Variants in SULF2 observed in about 807,000 individuals in gnomAD.
The protein encoded by SULF2 is sulfatase 2, also known as extracellular sulfatase Sulf-2.
Under a neutral mutation model 107.7 loss-of-function variants are expected in SULF2, and 52 were observed. The observed-to-expected ratio is 0.48, with a 90% CI of 0.39 to 0.61. The LOEUF is 0.61. SULF2 is among the 20% of genes least tolerant of loss of function. The pLI, the probability that SULF2 is intolerant of heterozygous loss-of-function variation, is 0.00. For missense variants in SULF2, 993 were observed against 1,177.3 expected (o/e 0.84, Z 2.29); for synonymous variants, 460 against 464.3 (o/e 0.99, Z 0.12).
chr20:47,752,911 G>A (rs929434981), intron 2 of SULF2, among the ~76,000 whole-genome samples: 2 of 151,988 alleles, frequency 1.3e-5, no homozygotes, highest in African/African-American at 2.4e-5. Flanking sequence ...GGCCAACCTG[G>A]CCAACATGGC....
At chr20:47,730,256 G>T (rs1484094294) in intron 3 of SULF2, among the ~76,000 whole-genome samples, 2 of 152,222 alleles carry the variant, frequency 1.3e-5, no homozygotes, top group Non-Finnish European at 2.9e-5. Context: ...ACGCATTTTA[G>T]AACATGATGC....
intron 14 of SULF2, 63 bp from the exon 15 acceptor site, chr20:47,664,252 C>G (rs1178122297): frequency 6.6e-7 from 1 of 1,524,150 alleles, no homozygotes; most frequent in African/African-American, 1.4e-5. Context: ...CTGGCAGGTG[C>G]AAGCTGTGAT....
chr20:47,742,377 A>G (rs1020296694), intron 2 of SULF2, among the ~76,000 whole-genome samples: 1 of 152,234 alleles, frequency 6.6e-6, no homozygotes, highest in African/African-American at 2.4e-5. Flanking sequence ...ACCTGGGGAC[A>G]TGCAGACAAA....
chr20:47,672,091 C>T, intron 11 of SULF2, 107 bp downstream of exon 11: 2 of 1,251,444 alleles, frequency 1.6e-6, no homozygotes, highest in Non-Finnish European at 2.2e-6. Flanking sequence ...CCTAGATCAC[C>T]ACCTGGCAAA....
At chr20:47,682,176 C>A (rs1358314797) in intron 7 of SULF2, among the ~76,000 whole-genome samples, 1 of 152,250 alleles carries the variant, frequency 6.6e-6, no homozygotes, top group African/African-American at 2.4e-5. Context: ...TCCTGGAATT[C>A]TCGCAAAATG....
At chr20:47,673,248 G>A (rs1795216983) in intron 10 of SULF2, among the ~76,000 whole-genome samples, 1 of 152,210 alleles carries the variant, frequency 6.6e-6, no homozygotes, top group Non-Finnish European at 1.5e-5. Context: ...CTGTGCCAAA[G>A]TGACCTTTCC....
Position 47,675,241 on chromosome 20 carries a change from G to A in SULF2, c.1380+1253C>T, listed in dbSNP as rs374696958. ...AAATCAGAACCACTTCTGGGATCTC[G>A]GTACAAAGTCAAGGCTGAACTCTCT... On this transcript the variant is annotated intron_variant, in intron 10 of 20. Transcript: ENST00000688720. Among the ~76,000 whole-genome samples, 24 of 152,218 alleles carry A rather than the reference G, an allele frequency of 1.6e-4. No homozygotes were observed. The East Asian group carries it at 2.7e-3, about 17-fold the overall frequency.
upstream of SULF2, chr20:47,786,591 TA>T (rs1568943320): frequency 6.6e-6 from 1 of 151,690 alleles, no homozygotes; most frequent in Non-Finnish European, 1.5e-5. Context: ...CAAGTGAAAA[TA>T]GCAGCTGTTG....
intron 4 of SULF2, among the ~76,000 whole-genome samples, chr20:47,696,213 C>T (rs1376441100): frequency 3.3e-5 from 5 of 152,148 alleles, no homozygotes; most frequent in Non-Finnish European, 5.9e-5. Context: ...ACAGTATATA[C>T]CTCACAGACT....
intron 10 of SULF2, among the ~76,000 whole-genome samples, chr20:47,674,843 C>G (rs1220803568): frequency 6.6e-6 from 1 of 152,124 alleles, no homozygotes; most frequent in Non-Finnish European, 1.5e-5. Context: ...GGCAACGGCA[C>G]TCGGGGAGTA....
At chr20:47,686,210 C>T (rs1323196721) in intron 5 of SULF2, 1 of 152,264 alleles carries the variant, frequency 6.6e-6, no homozygotes, top group East Asian at 1.9e-4. Context: ...CTGTCACTCA[C>T]TCCGTGAGAC....
chr20:47,659,624 TCA>T, intron 19 of SULF2, 71 bp downstream of exon 19: 1 of 1,440,558 alleles, frequency 6.9e-7, no homozygotes, highest in Non-Finnish European at 9.8e-7. Context: ...AGGTGCAGAC[TCA>T]CAGAGATGAG....
chr20:47,759,887 TA>T (rs1399983686), intron 1 of SULF2, among the ~76,000 whole-genome samples: 1 of 152,252 alleles, frequency 6.6e-6, no homozygotes, highest in Admixed American at 6.5e-5. Flanking sequence ...ATTTCTTATT[TA>T]TTGTCCAATT....
intron 1 of SULF2, among the ~76,000 whole-genome samples, chr20:47,764,088 C>T (rs1442746366): frequency 1.3e-5 from 2 of 152,212 alleles, no homozygotes; most frequent in Non-Finnish European, 2.9e-5. Context: ...CTTGCTGCTC[C>T]CTCTGCCTGG....
rs560047449 is a variant in SULF2, at chr20:47,662,402, A to G, written c.2371-506T>C. ...CTAAGGAGAAAGACTGCACACCTAT[A>G]TAGTAATTAAAGCATTTGTGCTGCT... On this transcript the variant is annotated intron_variant, in intron 17 of 20. Coordinates refer to ENST00000688720, the MANE Select transcript of SULF2 (RefSeq NM_001387048.1). 3.3e-5 allele frequency among the ~76,000 whole-genome samples: 5 copies of G among 152,324 alleles called. No individual in the cohort carries two copies. In the East Asian group the frequency reaches 9.6e-4, roughly 29 times the overall value.
chr20:47,690,218 T>C lies in SULF2; in HGVS notation c.645A>G (p.Pro215=), dbSNP rs1346636379. Reference sequence around the variant, plus strand: ...CTGCATGGCTGATGACCATGAGGACTGGCCTGTGCGGGTACATCTTCTTGG... The same window carrying C: ...CTGCATGGCTGATGACCATGAGGACCGGCCTGTGCGGGTACATCTTCTTGG... ...RTSKKMYPHR[P]VLMVISHAAP... The change falls in exon 5 of 21, where the codon CCA becomes CCG. Residue 215 remains proline (P), a synonymous_variant. Transcript: ENST00000688720. 2.5e-6 allele frequency: 4 copies of C among 1,577,938 alleles called. No homozygotes were observed. The highest frequency in any genetic ancestry group is 2.3e-5 in the South Asian group (2 of 86,626).
At chr20:47,733,271 T>C (rs2089655941) in intron 3 of SULF2, among the ~76,000 whole-genome samples, 1 of 152,196 alleles carries the variant, frequency 6.6e-6, no homozygotes, top group Non-Finnish European at 1.5e-5. Flanking sequence ...TGTCAGAGAA[T>C]TAGGAGAGGC....
intron 1 of SULF2, among the ~76,000 whole-genome samples, chr20:47,784,906 T>A (rs1224028462): frequency 2.0e-5 from 3 of 152,122 alleles, no homozygotes; most frequent in Non-Finnish European, 2.9e-5. Flanking sequence ...GGCCCACTGC[T>A]TCCCCGAGTC....
chr20:47,728,020 C>T (rs1423570959), intron 3 of SULF2, among the ~76,000 whole-genome samples: 2 of 152,142 alleles, frequency 1.3e-5, no homozygotes, highest in South Asian at 2.1e-4. Flanking sequence ...GTGCAATTCC[C>T]GTGGATACTC....
Sources: gnomAD v4.1 joint callset for allele counts (sites outside exome capture counted in the v4.1 genomes callset) on GRCh38, gnomAD v4.1.1 for gene constraint, MANE v1.5 for transcripts, NCBI Gene and HGNC (gene_info 2026-07-23, HGNC 2026-07-21) for gene names.